Variants in CRIM1 observed in about 807,000 individuals in gnomAD.
The protein encoded by CRIM1 is cysteine-rich motor neuron 1 protein.
CRIM1 carries 32 observed loss-of-function variants against 116.4 expected under a neutral mutation model. The ratio of observed to expected loss-of-function variants is 0.27; its 90% CI spans 0.21 to 0.37. The LOEUF (loss-of-function observed/expected upper bound fraction) is 0.37. CRIM1 is among the 10% of genes least tolerant of loss of function. CRIM1 has a pLI of 1.00. For synonymous variants in CRIM1, 590 were observed against 509.2 expected (o/e 1.16, Z -2.13); for missense variants, 1,331 against 1,354.8 (o/e 0.98, Z 0.28).
intron 7 of CRIM1, among the ~76,000 whole-genome samples, chr2:36,482,965 C>T (rs1279407807): frequency 6.6e-6 from 1 of 152,166 alleles, no homozygotes; most frequent in East Asian, 1.9e-4. Context: ...AACCTGGGGG[C>T]CCTTAAAGAC....
At chr2:36,437,784 C>G (rs1485896038) in intron 2 of CRIM1, among the ~76,000 whole-genome samples, 1 of 152,114 alleles carries the variant, frequency 6.6e-6, no homozygotes, top group African/African-American at 2.4e-5. Flanking sequence ...CAGGCTCGAA[C>G]TGCAAAACAC....
rs769489131 is a variant in CRIM1 at position 36,361,052 on chromosome 2, A to G, written c.331+4429A>G. 1.8e-4 allele frequency among the ~76,000 whole-genome samples: 27 copies of G among 152,218 alleles called. 1 individual carries two copies. Among genetic ancestry groups the G allele is most frequent in the Non-Finnish European group, 3.5e-4 (24 of 68,052 alleles). Reference sequence around the variant, plus strand: ...GTTCCTCCCAAAAGTAAATATTGGCAAAACATGGAGAGACCAACTATTCAC... The same window carrying G: ...GTTCCTCCCAAAAGTAAATATTGGCGAAACATGGAGAGACCAACTATTCAC... On this transcript the variant is annotated intron_variant, in intron 1 of 16. Coordinates refer to ENST00000280527, the MANE Select transcript of CRIM1 (RefSeq NM_016441.3).
intron 1 of CRIM1, among the ~76,000 whole-genome samples, chr2:36,368,162 CAT>C (rs778893154): frequency 6.6e-6 from 1 of 152,288 alleles, no homozygotes; most frequent in Admixed American, 6.5e-5. Context: ...TTTAAAGAAA[CAT>C]AGCAGTAATA....
At chr2:36,521,459 A>G (rs958033215) in intron 12 of CRIM1, among the ~76,000 whole-genome samples, 4 of 152,248 alleles carry the variant, frequency 2.6e-5, no homozygotes, top group Admixed American at 2.0e-4. Flanking sequence ...AAATCCAGCT[A>G]CAATTTGTAA....
chr2:36,437,160 G>A (rs185238614), intron 2 of CRIM1, among the ~76,000 whole-genome samples: 1 of 152,288 alleles, frequency 6.6e-6, no homozygotes, highest in Admixed American at 6.5e-5. Flanking sequence ...CAGATCACGA[G>A]GTCAGGAGAT....
intron 1 of CRIM1, among the ~76,000 whole-genome samples, chr2:36,361,934 C>T (rs1669248100): frequency 1.3e-5 from 2 of 152,136 alleles, no homozygotes; most frequent in African/African-American, 4.8e-5. Flanking sequence ...CTTTCCTTCT[C>T]AGAGGTCTAA....
Position 36,464,673 on chromosome 2 carries a change from T to C in CRIM1, c.991+18T>C. The C allele has an allele frequency of 6.2e-7, 1 of 1,613,564 alleles. No homozygotes were observed. The highest frequency in any genetic ancestry group is 8.5e-7 in the Non-Finnish European group (1 of 1,179,560). On this transcript the variant is annotated intron_variant, in intron 5 of 16. Coordinates refer to ENST00000280527, the MANE Select transcript of CRIM1 (RefSeq NM_016441.3). ...TGTTAATGGTACGTGGGGTTTCTCT[T>C]GTTCTCAGAGAGTGTACATTTGTGC...
intron 1 of CRIM1, among the ~76,000 whole-genome samples, chr2:36,376,941 T>G (rs1243773085): frequency 2.0e-5 from 3 of 152,146 alleles, no homozygotes; most frequent in Non-Finnish European, 4.4e-5. Flanking sequence ...TGTGTATCAC[T>G]CTCTCTAATG....
At chr2:36,496,475 GA>G (rs1186834412) in intron 7 of CRIM1, among the ~76,000 whole-genome samples, 1 of 152,152 alleles carries the variant, frequency 6.6e-6, no homozygotes, top group Non-Finnish European at 1.5e-5. Flanking sequence ...AAGTGAATGG[GA>G]AAATACTAAT....
chr2:36,370,694 T>G (rs546395869), intron 1 of CRIM1, among the ~76,000 whole-genome samples: 1 of 152,250 alleles, frequency 6.6e-6, no homozygotes, highest in Admixed American at 6.5e-5. Flanking sequence ...ATAATATTTC[T>G]TGAGAGAATG....
intron 14 of CRIM1, among the ~76,000 whole-genome samples, chr2:36,541,471 G>A (rs908475392): frequency 1.3e-5 from 2 of 152,212 alleles, no homozygotes; most frequent in East Asian, 1.9e-4. Context: ...AGGGTTATCC[G>A]AAGTCATGGA....
intron 1 of CRIM1, among the ~76,000 whole-genome samples, chr2:36,384,463 G>A (rs984091187): frequency 6.6e-6 from 1 of 152,196 alleles, no homozygotes; most frequent in African/African-American, 2.4e-5. Flanking sequence ...CTGAGTGTCT[G>A]TTAGGTATAG....
intron 5 of CRIM1, among the ~76,000 whole-genome samples, chr2:36,473,961 C>T (rs1678753101): frequency 6.6e-6 from 1 of 152,038 alleles, no homozygotes; most frequent in Non-Finnish European, 1.5e-5. Context: ...CTTTTACATC[C>T]TCACTAAAAA....
At chr2:36,506,454 C>G (rs1275436495) in intron 8 of CRIM1, among the ~76,000 whole-genome samples, 2 of 152,046 alleles carry the variant, frequency 1.3e-5, no homozygotes, top group African/African-American at 4.8e-5. Context: ...CAGTACTCCT[C>G]TAGGGGACAC....
Position 36,356,646 on chromosome 2 carries a change from C to T in CRIM1, c.331+23C>T, listed in dbSNP as rs753638084. On this transcript the variant is annotated intron_variant, in intron 1 of 16. Coordinates refer to ENST00000280527, the MANE Select transcript of CRIM1 (RefSeq NM_016441.3). The surrounding 1 kb of genome is among the most constrained non-coding windows in gnomAD (Gnocchi z 4.3). ...AAGGTACGGCCGCCCGCTGCGGGCCCCCTCCCACCTGGCCTGCGCCGCCCC... is the reference window on the plus strand; with the variant it reads ...AAGGTACGGCCGCCCGCTGCGGGCCTCCTCCCACCTGGCCTGCGCCGCCCC... 4 of 1,593,682 alleles carry T rather than the reference C, an allele frequency of 2.5e-6. No homozygotes were observed. Among genetic ancestry groups the T allele is most frequent in the South Asian group, 1.1e-5 (1 of 88,808 alleles).
intron 5 of CRIM1, among the ~76,000 whole-genome samples, chr2:36,473,706 C>T (rs1678726232): frequency 6.6e-6 from 1 of 152,076 alleles, no homozygotes; most frequent in African/African-American, 2.4e-5. Flanking sequence ...ATCAGAACTT[C>T]ATTTCTTTTT....
intron 13 of CRIM1, among the ~76,000 whole-genome samples, chr2:36,533,198 C>G (rs1162810397): frequency 1.3e-5 from 2 of 152,146 alleles, no homozygotes; most frequent in African/African-American, 4.8e-5. Flanking sequence ...TACCACATCT[C>G]CCTTTAAACC....
chr2:36,365,896 A>G (rs574683422), intron 1 of CRIM1, among the ~76,000 whole-genome samples: 2 of 151,902 alleles, frequency 1.3e-5, no homozygotes, highest in South Asian at 2.1e-4. Flanking sequence ...ACCACGCCCA[A>G]CTACTTTGTG....
intron 2 of CRIM1, among the ~76,000 whole-genome samples, chr2:36,418,730 C>T (rs190964165): frequency 3.3e-5 from 5 of 152,090 alleles, no homozygotes; most frequent in Admixed American, 6.5e-5. Flanking sequence ...TATAGATCAC[C>T]GCTCTGTTGG....
Sources: allele counts gnomAD v4.1 joint callset (sites outside exome capture counted in the v4.1 genomes callset), GRCh38; gene constraint gnomAD v4.1.1; non-coding constraint Gnocchi (gnomAD v3.1); transcripts MANE v1.5; gene names NCBI Gene and HGNC (gene_info 2026-07-23, HGNC 2026-07-21).